VWA3B: variants seen among roughly 807,000 people sequenced by gnomAD.
VWA3B encodes von Willebrand factor A domain-containing protein 3B.
Under a neutral mutation model 158.3 loss-of-function variants are expected in VWA3B, and 138 were observed. The ratio of observed to expected loss-of-function variants is 0.87; its 90% CI spans 0.76 to 1.00. The LOEUF (loss-of-function observed/expected upper bound fraction) is 1.00. Ranked by LOEUF, VWA3B falls within the 50% of genes least tolerant of loss-of-function variation. The pLI is 0.00. For missense variants in VWA3B, 1,555 were observed against 1,565.1 expected (o/e 0.99, Z 0.11); for synonymous variants, 596 against 587.3 (o/e 1.01, Z -0.21).
intron 12 of VWA3B, among the ~76,000 whole-genome samples, chr2:98,197,866 G>C (rs960984842): frequency 6.6e-6 from 1 of 151,850 alleles, no homozygotes; most frequent in Admixed American, 6.6e-5. Context: ...AAGGAACCTT[G>C]GTTTCTTTTG....
chr2:98,206,572 C>T, intron 12 of VWA3B: 1 of 484,900 alleles, frequency 2.1e-6, no homozygotes. Context: ...AGACTTTGAG[C>T]AGAATCATGA....
Position 98,162,986 on chromosome 2 carries a change from A to C in VWA3B, c.1114+10A>C. ...GCCACTGTGGACTGCGGTTGGTGCT[A>C]TTTCTGGTCACTGGTGTAAAAGATT... On this transcript the variant is annotated intron_variant, in intron 8 of 27. Coordinates refer to ENST00000477737, the MANE Select transcript of VWA3B (RefSeq NM_144992.5). 1 of 1,613,788 alleles carries C rather than the reference A, an allele frequency of 6.2e-7. No individual in the cohort carries two copies.
chr2:98,097,240 T>C (rs1375058837), intron 2 of VWA3B, among the ~76,000 whole-genome samples: 1 of 152,184 alleles, frequency 6.6e-6, no homozygotes, highest in Non-Finnish European at 1.5e-5. Context: ...TAGTTTTTTA[T>C]TCCTCACCGC....
chr2:98,255,394 C>G (rs1220123295), intron 20 of VWA3B, among the ~76,000 whole-genome samples: 1 of 142,492 alleles, frequency 7.0e-6, no homozygotes, highest in South Asian at 2.1e-4. Flanking sequence ...CTCTGCCCTG[C>G]AGCTCAGAAA....
chr2:98,257,351 A>G (rs1687223075), intron 21 of VWA3B, among the ~76,000 whole-genome samples: 1 of 151,786 alleles, frequency 6.6e-6, no homozygotes. Flanking sequence ...TATATACCAC[A>G]TTTTCTTTAT....
chr2:98,111,168 A>C (rs1013935565), intron 2 of VWA3B, among the ~76,000 whole-genome samples: 1 of 152,192 alleles, frequency 6.6e-6, no homozygotes, highest in African/African-American at 2.4e-5. Flanking sequence ...GTGTGTTCAC[A>C]TGCCACTTAA....
Position 98,294,203 on chromosome 2 carries a change from C to CAAAA in VWA3B, c.3157+3605_3157+3608dup, listed in dbSNP as rs751689571. On this transcript the variant is annotated intron_variant, in intron 23 of 27. Transcript: ENST00000477737. ...TTTCCCTCACACACACACACACACA[C>CAAAA]AAAAAAAAAAAAAAAAAAAAAAAAA... Among the ~76,000 whole-genome samples the CAAAA allele has an allele frequency of 2.2e-3, 123 of 56,212 alleles. 5 individuals carry two copies. Among genetic ancestry groups the CAAAA allele is most frequent in the East Asian group, 5.7e-3 (8 of 1,398 alleles). The allele number at this position is 56,212 out of a possible 152,430, so 36.9% of individuals were successfully genotyped here. A position where few individuals can be genotyped will look rare whatever the true frequency, so the allele number is the denominator to read the frequency against.
intron 19 of VWA3B, among the ~76,000 whole-genome samples, chr2:98,238,473 G>A (rs1424898121): frequency 2.0e-5 from 3 of 152,042 alleles, no homozygotes; most frequent in Non-Finnish European, 4.4e-5. Flanking sequence ...TATTTGGGAC[G>A]AAATATATTT....
rs1391114282 is a variant in VWA3B, at chr2:98,181,105, C to T, written c.1204C>T (p.Gln402Ter). Reference protein sequence around the residue: ...TWLQKYGLKAQKLSLYDVLAD... With the variant: ...TWLQKYGLKA ...GCTGCAGAAATATGGCTTGAAGGCC[C>T]AGAAGCTATCCTTGTATGATGTGCT... Residue 402 changes from glutamine (Q) to a stop codon, truncating the protein, a stop_gained, in exon 9 of 28, where the codon CAG becomes TAG. Transcript: ENST00000477737. LOFTEE classifies it high-confidence loss of function. 1 of 1,614,210 alleles carries T rather than the reference C, an allele frequency of 6.2e-7. No homozygotes were observed. Among genetic ancestry groups the T allele is most frequent in the Non-Finnish European group, 8.5e-7 (1 of 1,180,036 alleles).
chr2:98,205,789 A>G (rs1267529552), intron 12 of VWA3B, among the ~76,000 whole-genome samples: 3 of 152,192 alleles, frequency 2.0e-5, no homozygotes, highest in Non-Finnish European at 4.4e-5. Context: ...GCCATGAATT[A>G]TTCAAAGCAT....
chr2:98,253,668 G>C (rs1686943818), intron 20 of VWA3B, among the ~76,000 whole-genome samples: 1 of 152,068 alleles, frequency 6.6e-6, no homozygotes, highest in African/African-American at 2.4e-5. Flanking sequence ...GCTGCTTCTT[G>C]GCCTTCTGAA....
chr2:98,278,621 T>C (rs1688674723), intron 22 of VWA3B, among the ~76,000 whole-genome samples: 1 of 152,262 alleles, frequency 6.6e-6, no homozygotes, highest in African/African-American at 2.4e-5. Context: ...CACTCTTCTC[T>C]GAGGTCCCGC....
chr2:98,236,800 A>G lies in VWA3B; in HGVS notation c.2673+70A>G, dbSNP rs1438003747. 1.0e-5 allele frequency: 16 copies of G among 1,537,202 alleles called. No homozygotes were observed. In the East Asian group the frequency reaches 2.0e-4, roughly 20 times the overall value. ...TTCTGCTCAAATAAAAAGTAGTCCA[A>G]TTTCTTGTGTGGTTGTAACAGAAAT... On this transcript the variant is annotated intron_variant, in intron 19 of 27. Transcript: ENST00000477737.
intron 2 of VWA3B, chr2:98,099,394 T>C (rs1373305006): frequency 6.6e-6 from 1 of 152,190 alleles, no homozygotes; most frequent in Non-Finnish European, 1.5e-5. Flanking sequence ...TTGAGCTCTT[T>C]GAATATATGA....
rs1685551480 is a variant in VWA3B at position 98,234,583 on chromosome 2, A to T, written c.2309-65A>T. On this transcript the variant is annotated intron_variant, in intron 16 of 27. Transcript: ENST00000477737. ...ACTTTAAGGAGCTGATAAAATAGTT[A>T]TATCTAATGAAGTATCTCCTTCCAT... 5 of 1,604,024 alleles carry T rather than the reference A, an allele frequency of 3.1e-6. No individual in the cohort carries two copies. In the Admixed American group the frequency reaches 6.8e-5, roughly 22 times the overall value.
intron 8 of VWA3B, among the ~76,000 whole-genome samples, chr2:98,170,769 A>G (rs910611867): frequency 6.6e-6 from 1 of 151,930 alleles, no homozygotes; most frequent in Non-Finnish European, 1.5e-5. Flanking sequence ...ACCATGCCCA[A>G]CTAATTTTTG....
At chr2:98,316,646 CA>C (rs57574289), downstream of VWA3B, among the ~76,000 whole-genome samples, 2,357 of 64,244 alleles carry the variant, frequency 0.037, 28 homozygotes, top group African/African-American at 0.078. Context: ...AACTCTGTCT[CA>C]AAAAAAAAAA....
chr2:98,163,493 G>A (rs887760628), intron 8 of VWA3B, among the ~76,000 whole-genome samples: 69 of 152,238 alleles, frequency 4.5e-4, no homozygotes, highest in African/African-American at 1.6e-3. Flanking sequence ...AGCCGAGATC[G>A]TGCCACTGCA....
intron 21 of VWA3B, among the ~76,000 whole-genome samples, chr2:98,258,977 T>G (rs377415258): frequency 2.0e-5 from 3 of 151,626 alleles, no homozygotes; most frequent in African/African-American, 7.3e-5. Context: ...TCATGAAAAG[T>G]GTGTGTTAAA....
Sources: gnomAD v4.1 joint callset for allele counts (sites outside exome capture counted in the v4.1 genomes callset) on GRCh38, gnomAD v4.1.1 for gene constraint, MANE v1.5 for transcripts, NCBI Gene and HGNC (gene_info 2026-07-23, HGNC 2026-07-21) for gene names.